The following ARFGEF1 variants were observed in gnomAD, a reference collection of about 807,000 sequenced individuals.
The protein encoded by ARFGEF1 is ARF guanine nucleotide exchange factor 1, also known as brefeldin A-inhibited guanine nucleotide-exchange protein 1.
ARFGEF1 carries 42 observed loss-of-function variants against 231.0 expected under a neutral mutation model. The ratio of observed to expected loss-of-function variants is 0.18; its 90% CI spans 0.14 to 0.24. The LOEUF (loss-of-function observed/expected upper bound fraction) is 0.24. ARFGEF1 is among the 10% of genes least tolerant of loss of function. The pLI is 1.00. For synonymous variants in ARFGEF1, 710 were observed against 732.3 expected (o/e 0.97, Z 0.49); for missense variants, 1,345 against 2,192.0 (o/e 0.61, Z 7.72).
chr8:67,287,261 G>C (rs767198464), intron 7 of ARFGEF1, among the ~76,000 whole-genome samples: 1 of 152,148 alleles, frequency 6.6e-6, no homozygotes, highest in African/African-American at 2.4e-5. Context: ...GTACATGGTA[G>C]GTGCCTACAT....
At chr8:67,305,594 G>A (rs1366352992) in intron 1 of ARFGEF1, among the ~76,000 whole-genome samples, 1 of 152,060 alleles carries the variant, frequency 6.6e-6, no homozygotes, top group African/African-American at 2.4e-5. Context: ...TGATCAGCCC[G>A]CCTCAGCCTC....
intron 19 of ARFGEF1, among the ~76,000 whole-genome samples, chr8:67,246,915 T>C (rs746976747): frequency 6.7e-6 from 1 of 150,072 alleles, no homozygotes. Flanking sequence ...AAGGAGACAT[T>C]ACAACTGATA....
downstream of ARFGEF1, chr8:67,175,380 T>C: frequency 6.2e-7 from 1 of 1,614,216 alleles, no homozygotes; most frequent in Non-Finnish European, 8.5e-7. Flanking sequence ...CAGCAAGCCC[T>C]GCTAAGAGAG....
intron 5 of ARFGEF1, among the ~76,000 whole-genome samples, chr8:67,295,208 T>C (rs1806178992): frequency 6.6e-6 from 1 of 152,112 alleles, no homozygotes; most frequent in Admixed American, 6.5e-5. Flanking sequence ...TAATTAACTG[T>C]TGCCAACAAG....
chr8:67,262,719 C>G (rs1804686713), intron 14 of ARFGEF1, among the ~76,000 whole-genome samples: 1 of 152,198 alleles, frequency 6.6e-6, no homozygotes, highest in Admixed American at 6.5e-5. Context: ...CATCAACACT[C>G]AGGTAAGACA....
chr8:67,310,684 A>T (rs1256764083), intron 1 of ARFGEF1, among the ~76,000 whole-genome samples: 1 of 136,806 alleles, frequency 7.3e-6, no homozygotes, highest in Admixed American at 7.4e-5. Context: ...ATCGTCTGAG[A>T]TGTGGGGAGC....
intron 22 of ARFGEF1, among the ~76,000 whole-genome samples, chr8:67,233,640 C>A (rs1333642945): frequency 6.6e-6 from 1 of 151,954 alleles, no homozygotes; most frequent in Non-Finnish European, 1.5e-5. Flanking sequence ...TTACTGAAAC[C>A]ATTTCATGAG....
At chr8:67,302,347 C>A (rs548245009) in intron 2 of ARFGEF1, 89 bp downstream of exon 2, 110 of 937,020 alleles carry the variant, frequency 1.2e-4, no homozygotes, top group Non-Finnish European at 1.6e-4. Context: ...AGAGAATTTG[C>A]CACACTAAAA....
intron 23 of ARFGEF1, among the ~76,000 whole-genome samples, chr8:67,231,513 A>G (rs1259656072): frequency 2.6e-5 from 4 of 152,094 alleles, no homozygotes; most frequent in Non-Finnish European, 5.9e-5. Flanking sequence ...ATAAATTAGA[A>G]CTGGATGTGG....
intron 1 of ARFGEF1, among the ~76,000 whole-genome samples, chr8:67,330,120 A>T (rs1475788806): frequency 6.6e-6 from 1 of 152,146 alleles, no homozygotes; most frequent in African/African-American, 2.4e-5. Context: ...AAAGAACTAT[A>T]ATAGTGACAA....
At chr8:67,310,423 C>G (rs900445977) in intron 1 of ARFGEF1, among the ~76,000 whole-genome samples, 14 of 152,210 alleles carry the variant, frequency 9.2e-5, no homozygotes, top group Non-Finnish European at 1.8e-4. Flanking sequence ...GGCTGGAGTG[C>G]AGTGGCGTGA....
intron 22 of ARFGEF1, 75 bp from the exon 23 acceptor site, chr8:67,233,020 C>G (rs1197302787): frequency 4.1e-6 from 5 of 1,214,836 alleles, no homozygotes; most frequent in Non-Finnish European, 5.9e-6. Context: ...AGTTCTAAAA[C>G]ATACTTCTGA....
intron 10 of ARFGEF1, 30 bp from the exon 11 acceptor site, chr8:67,267,472 A>C (rs773332118): frequency 7.1e-7 from 1 of 1,401,526 alleles, no homozygotes; most frequent in South Asian, 1.2e-5. Context: ...TCTGTTTAAA[A>C]TATTGTTTAG....
At chr8:67,301,879 A>G (rs961208760) in intron 2 of ARFGEF1, among the ~76,000 whole-genome samples, 1 of 152,200 alleles carries the variant, frequency 6.6e-6, no homozygotes, top group African/African-American at 2.4e-5. Flanking sequence ...GTATCTTTAT[A>G]TACTTATTTA....
At chr8:67,292,908 T>G (rs1181995518) in intron 5 of ARFGEF1, among the ~76,000 whole-genome samples, 1 of 152,140 alleles carries the variant, frequency 6.6e-6, no homozygotes, top group African/African-American at 2.4e-5. Context: ...ACATTTCATA[T>G]TCTCCAGTAA....
intron 29 of ARFGEF1, 131 bp from the exon 30 acceptor site, chr8:67,219,691 G>C (rs1839080361): frequency 1.1e-6 from 1 of 946,346 alleles, no homozygotes; most frequent in South Asian, 2.2e-5. Flanking sequence ...ACATGACACT[G>C]GGTTTTAAAA....
intron 8 of ARFGEF1, 112 bp from the exon 9 acceptor site, chr8:67,276,221 G>C: frequency 8.5e-7 from 1 of 1,173,674 alleles, no homozygotes; most frequent in Non-Finnish European, 1.2e-6. Context: ...TTCCCCCACT[G>C]TTGGAAGGGG....
At chr8:67,187,944 G>GA (rs1835127886) in intron 5 of ARFGEF1, among the ~76,000 whole-genome samples, 3 of 152,146 alleles carry the variant, frequency 2.0e-5, no homozygotes, top group Admixed American at 6.5e-5. Flanking sequence ...GATAACAACA[G>GA]AAAATCTAGA....
intron 5 of ARFGEF1, among the ~76,000 whole-genome samples, chr8:67,296,165 T>A (rs1806223679): frequency 6.6e-6 from 1 of 152,220 alleles, no homozygotes; most frequent in Admixed American, 6.5e-5. Flanking sequence ...TATTAATTCA[T>A]AAGTACTTCC....
Sources: allele counts gnomAD v4.1 joint callset (sites outside exome capture counted in the v4.1 genomes callset), GRCh38; gene constraint gnomAD v4.1.1; transcripts MANE v1.5; gene names NCBI Gene and HGNC (gene_info 2026-07-23, HGNC 2026-07-21).